Variants in CTNS observed in about 807,000 individuals in gnomAD.
CTNS encodes the protein cystinosin, lysosomal cystine transporter.
In CTNS, 27 loss-of-function variants were observed where a neutral mutation model predicts 43.7. The observed-to-expected ratio is 0.62, with a 90% CI of 0.46 to 0.85. CTNS has a LOEUF of 0.85. Ranked by LOEUF, CTNS falls within the 40% of genes least tolerant of loss-of-function variation. The probability of loss-of-function intolerance (pLI) is 0.00; values close to 1 mark genes in which losing one functional copy is unlikely to be tolerated. For missense variants in CTNS, 457 were observed against 475.4 expected (o/e 0.96, Z 0.36); for synonymous variants, 187 against 190.6 (o/e 0.98, Z 0.16).
chr17:3,639,619 G>A (rs1271321128), intron 2 of CTNS, among the ~76,000 whole-genome samples: 1 of 150,090 alleles, frequency 6.7e-6, no homozygotes, highest in Non-Finnish European at 1.5e-5. Flanking sequence ...AGTGAACAGA[G>A]TTCGCACCAC....
rs1567718955 is a variant in CTNS at position 3,661,545 on chromosome 17, CT to C, written c.*1177del. The C allele has an allele frequency of 1.0e-5, 1 of 99,698 alleles. No homozygotes were observed. The highest frequency in any genetic ancestry group is 3.2e-5 in the African/African-American group (1 of 31,082). 6.2% of individuals were successfully genotyped at this position (99,698 alleles called of 1,614,324 possible). A position where few individuals can be genotyped will look rare whatever the true frequency, so the allele number is the denominator to read the frequency against. On this transcript the variant is annotated 3_prime_UTR_variant, in exon 12 of 12. Coordinates refer to ENST00000046640, the MANE Select transcript of CTNS (RefSeq NM_004937.3). ...AACCTACTCGCTTCCTTTCTGCACT[CT>C]GTGTGCTCGATACAGAAGGCAGGTG... is the stretch of plus-strand genomic sequence containing the variant.
rs2076259023 is a variant in CTNS at position 3,660,467 on chromosome 17, A to G, written c.*98A>G. 6.2e-7 allele frequency: 1 copy of G among 1,613,062 alleles called. No individual in the cohort carries two copies. The highest frequency in any genetic ancestry group is 8.5e-7 in the Non-Finnish European group (1 of 1,179,984). On this transcript the variant is annotated 3_prime_UTR_variant, in exon 12 of 12. Transcript: ENST00000046640. Reference sequence around the variant, plus strand: ...GAGAAGCGGTTGGGCCCTGGCACACAGGGCTGGCTCAGTGTGCGGACAGAG... The same window carrying G: ...GAGAAGCGGTTGGGCCCTGGCACACGGGGCTGGCTCAGTGTGCGGACAGAG...
Position 3,657,869 on chromosome 17 carries a change from C to T in CTNS, c.682-136C>T, listed in dbSNP as rs1018928721. 4.3e-6 allele frequency: 4 copies of T among 927,226 alleles called. No homozygotes were observed. In the Admixed American group the frequency reaches 7.6e-5, roughly 18 times the overall value. The allele number at this position is 927,226 out of a possible 1,614,324, so 57.4% of individuals were successfully genotyped here. ...TGCCACAACCCCAGTGCAGCCCCCA[C>T]CTTGCAGGGGCTCCTTCAAGGCCAG... On this transcript the variant is annotated intron_variant, in intron 9 of 11. Transcript: ENST00000046640.
Position 3,658,000 on chromosome 17 carries a change from C to A in CTNS, c.682-5C>A. ...TCCACATCTCTGCCCTCCTCTCGCC[C>A]CCAGCGCGGTGGCCAGCGCGTGTCC... On this transcript the variant is annotated splice_polypyrimidine_tract_variant and splice_region_variant and intron_variant, in intron 9 of 11. Coordinates refer to ENST00000046640, the MANE Select transcript of CTNS (RefSeq NM_004937.3). The A allele has an allele frequency of 8.1e-6, 13 of 1,608,164 alleles. No homozygotes were observed. Among genetic ancestry groups the A allele is most frequent in the Non-Finnish European group, 1.0e-5 (12 of 1,179,872 alleles).
intron 9 of CTNS, 43 bp downstream of exon 9, chr17:3,656,838 C>T (rs770507590): frequency 3.1e-6 from 5 of 1,611,310 alleles, no homozygotes; most frequent in Non-Finnish European, 4.2e-6. Flanking sequence ...CCAGCCAACA[C>T]CCGCCACCCC....
rs537038120 is a variant in CTNS, at chr17:3,641,997, G to A, written c.61+1730G>A. Among the ~76,000 whole-genome samples the A allele has an allele frequency of 2.0e-5, 3 of 152,120 alleles. No individual in the cohort carries two copies. In the South Asian group the frequency reaches 6.2e-4, roughly 32 times the overall value. The stretch of plus-strand genomic sequence containing the variant: ...CTTTGTAAGACTGAGGCTGGAGCAT[G>A]TGCGTGTGCCTGGGAGTGTGCGCGC... On this transcript the variant is annotated intron_variant, in intron 3 of 11. Coordinates refer to ENST00000046640, the MANE Select transcript of CTNS (RefSeq NM_004937.3).
At chr17:3,658,249 T>A in intron 10 of CTNS, 74 bp downstream of exon 10, 1 of 1,571,614 alleles carries the variant, frequency 6.4e-7, no homozygotes, top group Non-Finnish European at 8.7e-7. Flanking sequence ...CCTGCTCCGG[T>A]GGGGCAGCTC....
Position 3,640,226 on chromosome 17 carries a change from CTA to C in CTNS, c.22_23del (p.Ile8PhefsTer13), listed in dbSNP as rs758995279. ...AGAAACATGATAAGGAATTGGCTGA[CTA>C]TTTTTATCCTTTTTCCCCTGAAGCT... On this transcript the variant is annotated frameshift_variant, in exon 3 of 12. Transcript: ENST00000046640. LOFTEE classifies it high-confidence loss of function. The C allele has an allele frequency of 1.2e-6, 2 of 1,613,948 alleles. No homozygotes were observed. Among genetic ancestry groups the C allele is most frequent in the Non-Finnish European group, 8.5e-7 (1 of 1,179,908 alleles).
rs200640138 is a variant in CTNS at position 3,659,831 on chromosome 17, G to A, written c.853-27G>A. On this transcript the variant is annotated intron_variant, in intron 10 of 11. Coordinates refer to ENST00000046640, the MANE Select transcript of CTNS (RefSeq NM_004937.3). ...AGCCGCCCAGCCCTCACCGCCCTCC[G>A]TCTGTCTGTCCGTCTGTCTGGCCCA... 7.2e-4 allele frequency: 1,139 copies of A among 1,575,872 alleles called. 2 individuals are homozygous for A. Among genetic ancestry groups the A allele is most frequent in the Non-Finnish European group, 8.9e-4 (1,014 of 1,145,542 alleles).
upstream of CTNS, chr17:3,636,520 A>G: frequency 8.0e-6 from 3 of 373,154 alleles, no homozygotes; most frequent in South Asian, 4.7e-5. Flanking sequence ...AGGAGCCGGG[A>G]GGCGCTGGCG....
intron 3 of CTNS, among the ~76,000 whole-genome samples, chr17:3,645,252 C>T (rs937203294): frequency 3.3e-5 from 5 of 152,196 alleles, no homozygotes; most frequent in Non-Finnish European, 7.3e-5. Flanking sequence ...TGCCTTTTGC[C>T]GCTCTGAGCA....
rs148662747 is a variant in CTNS at position 3,658,115 on chromosome 17, G to A, written c.792G>A (p.Gln264=). Residue 264 remains glutamine, a synonymous_variant, in exon 10 of 12, where the codon CAG becomes CAA. Coordinates refer to ENST00000046640, the MANE Select transcript of CTNS (RefSeq NM_004937.3). ...VAAVGVTTWL[Q]FLFCFSYIKL... ...CAGTGGGAGTGACCACGTGGCTGCAGTTTCTCTTCTGCTTCTCCTACATCA... is the reference window on the plus strand; with the variant it reads ...CAGTGGGAGTGACCACGTGGCTGCAATTTCTCTTCTGCTTCTCCTACATCA... The A allele has an allele frequency of 1.4e-5, 23 of 1,612,388 alleles. No individual in the cohort carries two copies. The highest frequency in any genetic ancestry group is 1.8e-5 in the Non-Finnish European group (21 of 1,179,984).
At chr17:3,655,514 C>A in intron 7 of CTNS, 162 bp downstream of exon 7, 1 of 1,040,148 alleles carries the variant, frequency 9.6e-7, no homozygotes, top group Non-Finnish European at 1.4e-6. Flanking sequence ...GAGCCTGGGT[C>A]GGATTCCCGT....
intron 2 of CTNS, among the ~76,000 whole-genome samples, chr17:3,638,234 T>G (rs1000155941): frequency 5.9e-5 from 3 of 51,280 alleles, no homozygotes; most frequent in Admixed American, 1.9e-4. Context: ...TGGTTTTTTT[T>G]TTGTTTTTTT....
intron 10 of CTNS, among the ~76,000 whole-genome samples, 166 bp from the exon 11 acceptor site, chr17:3,659,692 C>A (rs1431377763): frequency 6.6e-6 from 1 of 152,218 alleles, no homozygotes; most frequent in Admixed American, 6.5e-5. Context: ...CCAAACTGTT[C>A]CTTGGCTGAG....
intron 3 of CTNS, among the ~76,000 whole-genome samples, chr17:3,646,176 T>C (rs2737145): frequency 0.64 from 97,775 of 152,050 alleles, 32,447 homozygotes; most frequent in Non-Finnish European, 0.73. Flanking sequence ...AGCCTTCCAG[T>C]ACCCCTGGGA....
At chr17:3,658,273 G>GA in intron 10 of CTNS, 98 bp downstream of exon 10, 1 of 1,506,086 alleles carries the variant, frequency 6.6e-7, no homozygotes, top group Non-Finnish European at 9.0e-7. Context: ...CCGGCGTGAG[G>GA]AAACAGGACG....
intron 3 of CTNS, among the ~76,000 whole-genome samples, chr17:3,643,040 C>T (rs1597607335): frequency 1.3e-5 from 2 of 151,958 alleles, no homozygotes; most frequent in East Asian, 1.9e-4. Context: ...CTCGGCCTGG[C>T]GCGTTGGCTC....
Position 3,647,896 on chromosome 17 carries a change from G to C in CTNS, c.140+374G>C, listed in dbSNP as rs543090148. ...TCAAGGGGCAGGGAGCTGAGCTGCT[G>C]GTTGGCACTTCTGAGGTTGCTTTCA... is the stretch of plus-strand genomic sequence containing the variant. On this transcript the variant is annotated intron_variant, in intron 4 of 11. Transcript: ENST00000046640. Among the ~76,000 whole-genome samples, 15 of 152,330 alleles carry C rather than the reference G, an allele frequency of 9.8e-5. 1 individual carries two copies. The highest frequency in any genetic ancestry group is 3.9e-4 in the Admixed American group (6 of 15,310).
Sources: allele counts gnomAD v4.1 joint callset (sites outside exome capture counted in the v4.1 genomes callset), GRCh38; gene constraint gnomAD v4.1.1; transcripts MANE v1.5; gene names NCBI Gene and HGNC (gene_info 2026-07-23, HGNC 2026-07-21).